Variants in TPH1 observed in about 807,000 individuals in gnomAD.
The protein encoded by TPH1 is tryptophan hydroxylase 1, also known as tryptophan 5-hydroxylase 1.
TPH1 carries 37 observed loss-of-function variants against 49.5 expected under a neutral mutation model. The observed-to-expected ratio is 0.75, with a 90% CI of 0.58 to 0.98. The LOEUF (loss-of-function observed/expected upper bound fraction) is 0.98, where lower values mean the gene tolerates loss of function less well. TPH1 is among the 50% of genes least tolerant of loss of function. TPH1 has a pLI of 0.00. For missense variants in TPH1, 487 were observed against 523.6 expected, an observed-to-expected ratio of 0.93 and a Z score of 0.68; for synonymous variants, 160 against 182.1, an observed-to-expected ratio of 0.88 and a Z score of 0.98.
intron 2 of TPH1, among the ~76,000 whole-genome samples, chr11:18,036,744 A>G (rs942082670): frequency 1.3e-5 from 2 of 152,198 alleles, no homozygotes; most frequent in Admixed American, 6.5e-5. Context: ...TGCTGGGGAC[A>G]TGATAATGAA....
rs764663813 is a variant in TPH1 at position 18,029,355 on chromosome 11, G to T, written c.477C>A (p.Asp159Glu). ...ADLAMNYKHG[D>E]PIPKVEFTEE... ...CAGTGAATTCAACCTTTGGAATGGG[G>T]TCTCCACTAATGAGATAAAGGGAAG... The change falls in exon 6 of 11, where the codon GAC (aspartate) becomes GAA (glutamate). Residue 159 changes from aspartate to glutamate, a missense_variant. Physicochemically the swap from Asp to Glu is conservative, Grantham distance 45. Coordinates refer to ENST00000682019, the MANE Select transcript of TPH1 (RefSeq NM_004179.3). 1 of 1,613,728 alleles carries T rather than the reference G, an allele frequency of 6.2e-7. No individual in the cohort carries two copies. Among genetic ancestry groups the T allele is most frequent in the Non-Finnish European group, 8.5e-7 (1 of 1,179,752 alleles).
chr11:18,023,868 C>G lies in TPH1; in HGVS notation c.1026+20G>C. ...TATGTTAGGTGAATATGGTTATATACAAAGATTTGCAACTCTTACTTTGAG... is the reference window on the plus strand; with the variant it reads ...TATGTTAGGTGAATATGGTTATATAGAAAGATTTGCAACTCTTACTTTGAG... On this transcript the variant is annotated intron_variant, in intron 9 of 10. Coordinates refer to ENST00000682019, the MANE Select transcript of TPH1 (RefSeq NM_004179.3). 1 of 1,587,142 alleles carries G rather than the reference C, an allele frequency of 6.3e-7. No homozygotes were observed.
At chr11:18,027,076 T>C (rs1847936105) in intron 6 of TPH1, among the ~76,000 whole-genome samples, 1 of 152,192 alleles carries the variant, frequency 6.6e-6, no homozygotes, top group Non-Finnish European at 1.5e-5. Flanking sequence ...TCAGAACGAT[T>C]TTTGAAGCTG....
chr11:18,045,617 G>C (rs1457989853), intron 1 of TPH1, among the ~76,000 whole-genome samples: 2 of 152,066 alleles, frequency 1.3e-5, no homozygotes, highest in African/African-American at 4.8e-5. Context: ...AACGCCAAAG[G>C]CAAGGTTGAG....
chr11:18,045,875 T>G (rs748539752), intron 1 of TPH1, among the ~76,000 whole-genome samples: 1 of 152,118 alleles, frequency 6.6e-6, no homozygotes, highest in Non-Finnish European at 1.5e-5. Flanking sequence ...AAGAAAAATC[T>G]TACTGTTTCT....
chr11:18,021,305 C>A, intron 10 of TPH1, 140 bp from the exon 11 acceptor site: 1 of 781,370 alleles, frequency 1.3e-6, no homozygotes, highest in Non-Finnish European at 2.2e-6. Flanking sequence ...TGACCTACTT[C>A]TCTACACTAC....
chr11:18,045,268 GGAT>G (rs1163089971), intron 1 of TPH1, among the ~76,000 whole-genome samples: 7 of 152,130 alleles, frequency 4.6e-5, no homozygotes, highest in African/African-American at 1.7e-4. Context: ...GTGGGAATGA[GGAT>G]GAAAGTGTAG....
intron 1 of TPH1, chr11:18,041,118 T>A: frequency 4.8e-6 from 1 of 209,764 alleles, no homozygotes; most frequent in South Asian, 7.6e-5. Flanking sequence ...GCCTACCTCC[T>A]CCCCACCTTG....
At position 18,021,142 on chromosome 11, in the gene TPH1, C is replaced by G. The variant is rs570648870; in HGVS notation, c.1184G>C (p.Arg395Pro). ...TGGATTATACTTCACTCCAAATGGA[C>G]GCTTAATTGTTTTGGTAAATTCTCT... ...KMREFTKTIKRPFGVKYNPYT... is the reference protein window; with the variant it reads ...KMREFTKTIKPPFGVKYNPYT... The change falls in exon 11 of 11, where the codon CGT (arginine) becomes CCT (proline). Residue 395 changes from arginine to proline, a missense_variant. Physicochemically the swap from Arg to Pro is moderately radical, Grantham distance 103 (BLOSUM62 -2). Transcript: ENST00000682019. 6.2e-7 allele frequency: 1 copy of G among 1,613,934 alleles called. No homozygotes were observed. Among genetic ancestry groups the G allele is most frequent in the Admixed American group, 1.7e-5 (1 of 60,018 alleles).
chr11:18,024,825 C>G (rs943873476), intron 8 of TPH1, among the ~76,000 whole-genome samples: 1 of 152,206 alleles, frequency 6.6e-6, no homozygotes, highest in Non-Finnish European at 1.5e-5. Flanking sequence ...CTTGGACACT[C>G]TGCTCCAGCT....
At chr11:18,037,415 T>C (rs1340519317) in intron 2 of TPH1, among the ~76,000 whole-genome samples, 2 of 147,478 alleles carry the variant, frequency 1.4e-5, no homozygotes, top group African/African-American at 2.5e-5. Context: ...GAGGAGTGAG[T>C]GATAGAGGAT....
chr11:18,043,881 A>T (rs570128), intron 1 of TPH1, among the ~76,000 whole-genome samples: 98,689 of 151,078 alleles, frequency 0.65, 32,361 homozygotes, highest in Non-Finnish European at 0.66. Flanking sequence ...AAAAAAAAAA[A>T]GAGAATTTCC....
chr11:18,022,348 C>G (rs1016637478), intron 10 of TPH1, among the ~76,000 whole-genome samples: 1 of 152,186 alleles, frequency 6.6e-6, no homozygotes, highest in Admixed American at 6.5e-5. Context: ...AACTCTCAGT[C>G]TAAAACTTAA....
In TPH1 at chr11:18,020,899, G is replaced by A. The variant is rs947322256; in HGVS notation, c.*92C>T. 8.3e-6 allele frequency: 10 copies of A among 1,204,990 alleles called. No individual in the cohort carries two copies. Among genetic ancestry groups the A allele is most frequent in the Non-Finnish European group, 9.9e-6 (8 of 809,292 alleles). 74.6% of individuals were successfully genotyped at this position (1,204,990 alleles called of 1,614,324 possible). On this transcript the variant is annotated 3_prime_UTR_variant, in exon 11 of 11. Coordinates refer to ENST00000682019, the MANE Select transcript of TPH1 (RefSeq NM_004179.3). The stretch of plus-strand genomic sequence containing the variant: ...CGATAATATTGTTTGGCCAGAAGAT[G>A]CTGTCCCTCCAGGATCAGGTGTTCA...
rs753168434 is a variant in TPH1, at chr11:18,022,790, T to C, written c.1160+8A>G. 2.5e-6 allele frequency: 4 copies of C among 1,612,628 alleles called. No homozygotes were observed. Among genetic ancestry groups the C allele is most frequent in the South Asian group, 1.1e-5 (1 of 90,972 alleles). On this transcript the variant is annotated splice_region_variant and intron_variant, in intron 10 of 10. Transcript: ENST00000682019. ...AGAAAATGAAGGCGTGAAGAAGATA[T>C]ACTGTACCTCATCTTCTCCTTTGCA...
At chr11:18,035,427 CCTTT>C (rs1848037008) in intron 3 of TPH1, among the ~76,000 whole-genome samples, 4 of 127,426 alleles carry the variant, frequency 3.1e-5, no homozygotes, top group South Asian at 2.6e-4. Context: ...TTCTCTCTTT[CCTTT>C]CTTTTTTTTT....
Position 18,019,904 on chromosome 11 carries a change from A to C in TPH1, c.*1087T>G. 8.6e-6 allele frequency: 3 copies of C among 350,402 alleles called. No individual in the cohort carries two copies. The highest frequency in any genetic ancestry group is 2.2e-5 in the South Asian group (1 of 45,432). The allele number at this position is 350,402 out of a possible 1,614,324, so 21.7% of individuals were successfully genotyped here. On this transcript the variant is annotated 3_prime_UTR_variant, in exon 11 of 11. Coordinates refer to ENST00000682019, the MANE Select transcript of TPH1 (RefSeq NM_004179.3). ...TTACTTACAGTCTCAGTCCTAAACC[A>C]CTCTTCTTGACCTTTCTGACATTCT...
chr11:18,041,867 G>A (rs1234780408), intron 1 of TPH1, among the ~76,000 whole-genome samples: 8 of 152,178 alleles, frequency 5.3e-5, no homozygotes, highest in African/African-American at 1.7e-4. Flanking sequence ...CAACCCAAGC[G>A]CATTCACATG....
At chr11:18,044,199 G>A (rs1458808921) in intron 1 of TPH1, among the ~76,000 whole-genome samples, 5 of 152,130 alleles carry the variant, frequency 3.3e-5, no homozygotes, top group Non-Finnish European at 5.9e-5. Context: ...CGAGGCGGGC[G>A]AATCATGAGG....
Sources: allele counts gnomAD v4.1 joint callset (sites outside exome capture counted in the v4.1 genomes callset), GRCh38; gene constraint gnomAD v4.1.1; transcripts MANE v1.5; gene names NCBI Gene and HGNC (gene_info 2026-07-23, HGNC 2026-07-21).